The following MAP1B variants were observed in gnomAD, a reference collection of about 807,000 sequenced individuals.
MAP1B encodes the protein microtubule associated protein 1B.
In MAP1B, 12 loss-of-function variants were observed where a neutral mutation model predicts 176.1. That is an observed-to-expected ratio of 0.07 (90% CI 0.04 to 0.11). The LOEUF is 0.11. Among genes scored for constraint, MAP1B ranks in the 10% least tolerant of loss-of-function variants. MAP1B has a pLI of 1.00. For missense variants in MAP1B, 2,523 were observed against 2,990.5 expected, an observed-to-expected ratio of 0.84 and a Z score of 3.65; for synonymous variants, 1,044 against 1,135.0, an observed-to-expected ratio of 0.92 and a Z score of 1.61.
In MAP1B at chr5:72,160,695, T is replaced by A. The variant is rs531917328; in HGVS notation, c.287-23048T>A. ...TCAAAGAAGACTAATCTTTGATTAG[T>A]CTTTGAAATCTCCTAATCTACAGAA... On this transcript the variant is annotated intron_variant, in intron 2 of 6. Transcript: ENST00000296755. Among the ~76,000 whole-genome samples the A allele has an allele frequency of 2.0e-5, 3 of 152,314 alleles. No individual in the cohort carries two copies. The South Asian group carries it at 6.2e-4, about 32-fold the overall frequency.
chr5:72,165,006 A>T (rs1309020557), intron 2 of MAP1B, among the ~76,000 whole-genome samples: 1 of 152,004 alleles, frequency 6.6e-6, no homozygotes, highest in South Asian at 2.1e-4. Flanking sequence ...GTCTTGTATG[A>T]TACAGTGCCC....
At chr5:72,189,164 A>C (rs931362151) in intron 4 of MAP1B, among the ~76,000 whole-genome samples, 3 of 152,180 alleles carry the variant, frequency 2.0e-5, no homozygotes, top group Admixed American at 6.5e-5. Flanking sequence ...AAATAAATGG[A>C]CTGAAAAAAT....
In MAP1B at chr5:72,186,567, G is replaced by T; in HGVS notation, c.370-47G>T. The T allele has an allele frequency of 6.2e-7, 1 of 1,601,646 alleles. No homozygotes were observed. The highest frequency in any genetic ancestry group is 8.5e-7 in the Non-Finnish European group (1 of 1,172,242). On this transcript the variant is annotated intron_variant, in intron 3 of 6. Coordinates refer to ENST00000296755, the MANE Select transcript of MAP1B (RefSeq NM_005909.5). This position sits in a 1 kb window ranked among gnomAD's most constrained non-coding sequence, Gnocchi z 4.3. The stretch of plus-strand genomic sequence containing the variant: ...CTAGCCCTGTCCTGAAGGTGGGATG[G>T]CAGCACTGCCCATGGCTCAGGGCCT...
Position 72,206,599 on chromosome 5 carries a change from G to C in MAP1B, c.*1360G>C, listed in dbSNP as rs190596456. The C allele has an allele frequency of 7.9e-4, 121 of 152,368 alleles. No individual in the cohort carries two copies. The highest frequency in any genetic ancestry group is 2.9e-3 in the African/African-American group (120 of 41,492). The allele number at this position is 152,368 out of a possible 1,614,324, so 9.4% of individuals were successfully genotyped here. A position where few individuals can be genotyped will look rare whatever the true frequency, so the allele number is the denominator to read the frequency against. ...TAATTATGGGAACAAGTGTACAGAA[G>C]AATTTTTTTTTTAAGATATGTGAGA... is the stretch of plus-strand genomic sequence containing the variant. On this transcript the variant is annotated 3_prime_UTR_variant, in exon 7 of 7. Coordinates refer to ENST00000296755, the MANE Select transcript of MAP1B (RefSeq NM_005909.5).
intron 2 of MAP1B, among the ~76,000 whole-genome samples, chr5:72,174,460 C>T (rs1746610991): frequency 6.6e-6 from 1 of 152,224 alleles, no homozygotes; most frequent in Non-Finnish European, 1.5e-5. Context: ...TCAGTTTTCT[C>T]TTCTGTAAAA....
At chr5:72,193,340 G>GC (rs1325761467) in intron 4 of MAP1B, 3 of 325,836 alleles carry the variant, frequency 9.2e-6, no homozygotes, top group South Asian at 6.5e-5. Context: ...TATCCATCAG[G>GC]CCTTTTTTTT....
intron 2 of MAP1B, among the ~76,000 whole-genome samples, chr5:72,153,882 G>C (rs1406116859): frequency 1.3e-5 from 2 of 151,922 alleles, no homozygotes; most frequent in African/African-American, 4.8e-5. Context: ...GCCTGCTACT[G>C]TTACTTTTAG....
intron 2 of MAP1B, among the ~76,000 whole-genome samples, chr5:72,132,307 G>A (rs886667660): frequency 6.6e-6 from 1 of 152,112 alleles, no homozygotes; most frequent in Non-Finnish European, 1.5e-5. Context: ...ATTTTTTTCT[G>A]AAATGCTCTG....
Position 72,197,136 on chromosome 5 carries a change from C to A in MAP1B, c.3781C>A (p.Pro1261Thr), listed in dbSNP as rs765052809. 5 of 1,614,176 alleles carry A rather than the reference C, an allele frequency of 3.1e-6. No homozygotes were observed. In the South Asian group the frequency reaches 5.5e-5, roughly 18 times the overall value. Residue 1261 changes from proline to threonine, a missense_variant, in exon 5 of 7, where the codon CCA (proline) becomes ACA (threonine). Physicochemically the swap from Pro to Thr is conservative, Grantham distance 38. Coordinates refer to ENST00000296755, the MANE Select transcript of MAP1B (RefSeq NM_005909.5). ...VSPSKSPSLSPSPPSPLEKTP... is the reference protein window; with the variant it reads ...VSPSKSPSLSTSPPSPLEKTP... ...CCCATCGAAGAGCCCGTCCCTGAGT[C>A]CATCTCCACCATCACCCTTAGAAAA...
Position 72,186,902 on chromosome 5 carries a change from A to G in MAP1B, c.510+148A>G. The G allele has an allele frequency of 1.1e-6, 1 of 883,156 alleles. No individual in the cohort carries two copies. Among genetic ancestry groups the G allele is most frequent in the South Asian group, 1.7e-5 (1 of 59,820 alleles). 54.7% of individuals were successfully genotyped at this position (883,156 alleles called of 1,614,324 possible). ...AAAACTGCATGATCCAAAATACTTT[A>G]TTTCTATGGCTCATTGCCAAAAGAA... is the stretch of plus-strand genomic sequence containing the variant. On this transcript the variant is annotated intron_variant, in intron 4 of 6. Transcript: ENST00000296755. The surrounding 1 kb of genome is among the most constrained non-coding windows in gnomAD (Gnocchi z 4.3).
chr5:72,162,918 C>G (rs537174205), intron 2 of MAP1B, among the ~76,000 whole-genome samples: 17 of 152,122 alleles, frequency 1.1e-4, no homozygotes, highest in African/African-American at 3.9e-4. Context: ...CATGAGGGGT[C>G]TCTGTGAAAG....
chr5:72,172,146 G>A (rs914344039), intron 2 of MAP1B, among the ~76,000 whole-genome samples: 2 of 152,166 alleles, frequency 1.3e-5, no homozygotes, highest in African/African-American at 4.8e-5. Context: ...TGGCAGCTGA[G>A]GCACCACTTC....
At chr5:72,177,041 T>C (rs932492103) in intron 2 of MAP1B, among the ~76,000 whole-genome samples, 1 of 152,200 alleles carries the variant, frequency 6.6e-6, no homozygotes, top group Non-Finnish European at 1.5e-5. Flanking sequence ...GCTATTGGTC[T>C]TTGGGGATCC....
intron 2 of MAP1B, among the ~76,000 whole-genome samples, chr5:72,143,449 G>A (rs757477081): frequency 5.9e-5 from 9 of 152,166 alleles, no homozygotes; most frequent in Non-Finnish European, 1.2e-4. Flanking sequence ...TATATTTGCA[G>A]TGTCTTCTTG....
intron 2 of MAP1B, among the ~76,000 whole-genome samples, chr5:72,178,725 G>GT (rs1554054185): frequency 7.1e-6 from 1 of 140,418 alleles, no homozygotes; most frequent in African/African-American, 2.7e-5. Context: ...GCCTCTGAGG[G>GT]GTGTGTGTGT....
chr5:72,199,719 C>G lies in MAP1B; in HGVS notation c.6364C>G (p.Pro2122Ala). The G allele has an allele frequency of 6.2e-7, 1 of 1,614,132 alleles. No homozygotes were observed. The highest frequency in any genetic ancestry group is 8.5e-7 in the Non-Finnish European group (1 of 1,180,038). ...AGAACCCACTGAAGAATCTGAAAAG[C>G]CCCTCACTCAATCAGGGGGAGCCCC... ...SEEPTEESEK[P>A]LTQSGGAPPP... Residue 2122 changes from proline to alanine, a missense_variant, in exon 5 of 7, where the codon CCC (proline) becomes GCC (alanine). Transcript: ENST00000296755. This position sits in a 1 kb window ranked among gnomAD's most constrained non-coding sequence, Gnocchi z 4.2.
chr5:72,202,840 G>A (rs35580407), intron 5 of MAP1B, among the ~76,000 whole-genome samples: 41,619 of 152,130 alleles, frequency 0.27, 6,033 homozygotes, highest in Middle Eastern at 0.36. Context: ...TGGGGGTTTT[G>A]GTTGCAGTCT....
Position 72,201,200 on chromosome 5 carries a change from A to C in MAP1B, c.7012+833A>C, listed in dbSNP as rs567425106. Among the ~76,000 whole-genome samples, 87 of 137,926 alleles carry C rather than the reference A, an allele frequency of 6.3e-4. 1 individual carries two copies. The highest frequency in any genetic ancestry group is 3.8e-3 in the Middle Eastern group (1 of 266). The allele number at this position is 137,926 out of a possible 152,430, so 90.5% of individuals were successfully genotyped here. ...CAACATAGCAAGACCCTGTCTCCAC[A>C]AAAAAAAAAAAATGTTTTTTAATTA... On this transcript the variant is annotated intron_variant, in intron 5 of 6. Coordinates refer to ENST00000296755, the MANE Select transcript of MAP1B (RefSeq NM_005909.5).
chr5:72,159,890 GC>G (rs1177919323), intron 2 of MAP1B, among the ~76,000 whole-genome samples: 2 of 152,142 alleles, frequency 1.3e-5, no homozygotes, highest in Non-Finnish European at 2.9e-5. Flanking sequence ...GCAGCCTCCA[GC>G]CACACGAAAT....
Sources: gnomAD v4.1 joint callset for allele counts (sites outside exome capture counted in the v4.1 genomes callset) on GRCh38, gnomAD v4.1.1 for gene constraint, Gnocchi (gnomAD v3.1) non-coding constraint, MANE v1.5 for transcripts, NCBI Gene and HGNC (gene_info 2026-07-23, HGNC 2026-07-21) for gene names.